The following DZIP1 variants were observed in gnomAD, a reference collection of about 807,000 sequenced individuals.
The protein encoded by DZIP1 is cilium assembly protein DZIP1.
In DZIP1, 97 loss-of-function variants were observed where a neutral mutation model predicts 107.6. The ratio of observed to expected loss-of-function variants is 0.90; its 90% CI spans 0.77 to 1.07. The LOEUF is 1.07. Among genes scored for constraint, DZIP1 ranks in the 50% least tolerant of loss-of-function variants. The pLI is 0.00. For missense variants in DZIP1, 1,035 were observed against 1,063.6 expected (o/e 0.97, Z 0.37); for synonymous variants, 390 against 386.4 (o/e 1.01, Z -0.11).
rs1195457668 is a variant in DZIP1, at chr13:95,612,171, A to G, written c.1180T>C (p.Ser394Pro). 6.2e-7 allele frequency: 1 copy of G among 1,608,178 alleles called. No individual in the cohort carries two copies. The highest frequency in any genetic ancestry group is 8.5e-7 in the Non-Finnish European group (1 of 1,179,302). The change falls in exon 11 of 23, where the codon TCA (serine) becomes CCA (proline). Residue 394 changes from serine to proline, a missense_variant. Physicochemically the swap from Ser to Pro is moderately conservative, Grantham distance 74 (BLOSUM62 -1). Coordinates refer to ENST00000376829, the MANE Select transcript of DZIP1 (RefSeq NM_198968.4). Reference protein sequence around the residue: ...EHKKEKGRLLSHIEKLRTSMI... With the variant: ...EHKKEKGRLLPHIEKLRTSMI... The stretch of plus-strand genomic sequence containing the variant: ...GAGGTTCGAAGTTTCTCTATATGTG[A>G]CAGGAGCTGAAAAAAAGTTAAGAAA...
chr13:95,607,089 C>T (rs886096048), intron 13 of DZIP1, among the ~76,000 whole-genome samples: 2 of 152,076 alleles, frequency 1.3e-5, no homozygotes, highest in African/African-American at 4.8e-5. Context: ...TCCCGTCGCC[C>T]AGGGTGGAGT....
chr13:95,615,027 G>C (rs1874871783), intron 10 of DZIP1, among the ~76,000 whole-genome samples: 1 of 152,124 alleles, frequency 6.6e-6, no homozygotes, highest in South Asian at 2.1e-4. Flanking sequence ...GGGTTTAAGA[G>C]CAAAGAAGGG....
At chr13:95,602,153 G>A (rs1317458526) in intron 14 of DZIP1, among the ~76,000 whole-genome samples, 7 of 152,252 alleles carry the variant, frequency 4.6e-5, no homozygotes, top group Admixed American at 6.5e-5. Context: ...TGCCATGAAC[G>A]CCCTCAACCA....
At chr13:95,586,666 T>C (rs1435487785) in intron 20 of DZIP1, among the ~76,000 whole-genome samples, 2 of 151,298 alleles carry the variant, frequency 1.3e-5, no homozygotes, top group East Asian at 1.9e-4. Flanking sequence ...AAATACATAG[T>C]ATATACCCAT....
chr13:95,587,408 G>A (rs565473761), intron 20 of DZIP1, 131 bp downstream of exon 20: 5 of 1,230,234 alleles, frequency 4.1e-6, no homozygotes, highest in East Asian at 2.4e-5. Flanking sequence ...TTTTCCGTGG[G>A]TGCCTTTGGG....
intron 7 of DZIP1, among the ~76,000 whole-genome samples, chr13:95,628,989 G>A (rs1876878316): frequency 6.6e-6 from 1 of 152,188 alleles, no homozygotes; most frequent in Non-Finnish European, 1.5e-5. Flanking sequence ...CTTAAAAATA[G>A]TTAAAATCAT....
rs1388944423 is a variant in DZIP1, at chr13:95,581,426, C to G, written c.*808G>C. On this transcript the variant is annotated 3_prime_UTR_variant, in exon 23 of 23. Transcript: ENST00000376829. ...ATAAATTAATTGGCACTTAAAATAA[C>G]TATACTTTATTCATAAAATATCCAA... 5 of 152,364 alleles carry G rather than the reference C, an allele frequency of 3.3e-5. No homozygotes were observed. Among genetic ancestry groups the G allele is most frequent in the Non-Finnish European group, 5.9e-5 (4 of 68,010 alleles). 9.4% of individuals were successfully genotyped at this position (152,364 alleles called of 1,614,324 possible).
At chr13:95,597,756 A>T (rs1209814665) in intron 15 of DZIP1, among the ~76,000 whole-genome samples, 1 of 152,202 alleles carries the variant, frequency 6.6e-6, no homozygotes, top group Non-Finnish European at 1.5e-5. Flanking sequence ...AAATAATTTT[A>T]AAAAAACAAC....
intron 12 of DZIP1, 109 bp from the exon 13 acceptor site, chr13:95,609,622 C>T: frequency 1.6e-6 from 1 of 635,884 alleles, no homozygotes; most frequent in Non-Finnish European, 2.6e-6. Flanking sequence ...ATGAAATGTA[C>T]CAATATATAG....
chr13:95,604,063 G>A (rs977960621), intron 14 of DZIP1, among the ~76,000 whole-genome samples: 1 of 152,204 alleles, frequency 6.6e-6, no homozygotes. Flanking sequence ...CAGCTCTGAA[G>A]CAGGGCTGGC....
At chr13:95,603,306 C>CCA (rs2044672899) in intron 14 of DZIP1, among the ~76,000 whole-genome samples, 1 of 47,948 alleles carries the variant, frequency 2.1e-5, no homozygotes, top group African/African-American at 8.4e-5. Context: ...TGCCCAGTCT[C>CCA]AAAAAAAAAA....
At chr13:95,612,647 C>T (rs1445977634) in intron 10 of DZIP1, among the ~76,000 whole-genome samples, 1 of 151,992 alleles carries the variant, frequency 6.6e-6, no homozygotes, top group African/African-American at 2.4e-5. Flanking sequence ...TGCAGTGGAG[C>T]AATCTCGGCT....
Position 95,589,204 on chromosome 13 carries a change from A to G in DZIP1, c.1977T>C (p.Ile659=). The change falls in exon 19 of 23, where the codon ATT becomes ATC. Residue 659 remains isoleucine, a synonymous_variant. Coordinates refer to ENST00000376829, the MANE Select transcript of DZIP1 (RefSeq NM_198968.4). The part of the protein sequence containing the change: ...VSTDRTSVPK[I]KKNVMEDPFP... The stretch of plus-strand genomic sequence containing the variant: ...AAGGATCTTCCATGACATTTTTCTT[A>G]ATTCTAAAAAAACAACAGAAAAATA... 2.5e-6 allele frequency: 4 copies of G among 1,596,246 alleles called. No individual in the cohort carries two copies. The highest frequency in any genetic ancestry group is 1.3e-5 in the African/African-American group (1 of 74,242).
At chr13:95,624,741 A>G (rs780204756) in intron 8 of DZIP1, 27 bp downstream of exon 8, 3 of 1,570,136 alleles carry the variant, frequency 1.9e-6, no homozygotes, top group Non-Finnish European at 1.7e-6. Context: ...AATCAATACC[A>G]TAAGAACTTC....
rs1278208842 is a variant in DZIP1 at position 95,611,492 on chromosome 13, A to G, written c.1316T>C (p.Ile439Thr). 2 of 1,610,184 alleles carry G rather than the reference A, an allele frequency of 1.2e-6. No homozygotes were observed. Among genetic ancestry groups the G allele is most frequent in the South Asian group, 2.2e-5 (2 of 90,986 alleles). The change falls in exon 12 of 23, where the codon ATT becomes ACT. Residue 439 changes from isoleucine to threonine, a missense_variant and splice_region_variant. Coordinates refer to ENST00000376829, the MANE Select transcript of DZIP1 (RefSeq NM_198968.4). ...TAATGGATTACAGGTAAAGTCTTTA[A>G]TCTGCAAAGAAATACAGTCTTCTAG... The part of the protein sequence containing the change: ...NELIITQRQQ[I>T]KDFTCNPLNS...
intron 12 of DZIP1, among the ~76,000 whole-genome samples, chr13:95,609,899 C>T (rs1454818276): frequency 2.0e-5 from 3 of 152,118 alleles, no homozygotes; most frequent in African/African-American, 7.2e-5. Context: ...ACAAAGATTC[C>T]TCAACAACCT....
chr13:95,585,834 C>CT, intron 21 of DZIP1, among the ~76,000 whole-genome samples, 172 bp downstream of exon 21: 1 of 152,160 alleles, frequency 6.6e-6, no homozygotes, highest in Non-Finnish European at 1.5e-5. Flanking sequence ...ACTCCAATAT[C>CT]TTTGTCTATG....
chr13:95,609,661 A>G (rs900084857), intron 12 of DZIP1, 148 bp from the exon 13 acceptor site: 1 of 456,210 alleles, frequency 2.2e-6, no homozygotes, highest in African/African-American at 2.0e-5. Flanking sequence ...AATATGTGTA[A>G]CATACATCTT....
intron 10 of DZIP1, among the ~76,000 whole-genome samples, chr13:95,617,116 C>T (rs1034744943): frequency 1.3e-5 from 2 of 151,930 alleles, no homozygotes; most frequent in South Asian, 2.1e-4. Flanking sequence ...GCAGGAGAAT[C>T]GCTTGAACCC....
Sources: gnomAD v4.1 joint callset for allele counts (sites outside exome capture counted in the v4.1 genomes callset) on GRCh38, gnomAD v4.1.1 for gene constraint, MANE v1.5 for transcripts, NCBI Gene and HGNC (gene_info 2026-07-23, HGNC 2026-07-21) for gene names.